Variants in DYSF observed in about 807,000 individuals in gnomAD.
DYSF encodes dysferlin.
Under a neutral mutation model 274.9 loss-of-function variants are expected in DYSF, and 212 were observed. The ratio of observed to expected loss-of-function variants is 0.77; its 90% CI spans 0.69 to 0.86. DYSF has a LOEUF of 0.86. Ranked by LOEUF, DYSF falls within the 40% of genes least tolerant of loss-of-function variation. The probability of loss-of-function intolerance (pLI) is 0.00; values close to 1 mark genes in which losing one functional copy is unlikely to be tolerated. For missense variants in DYSF, 2,666 were observed against 2,783.2 expected (o/e 0.96, Z 0.95); for synonymous variants, 1,091 against 1,078.7 (o/e 1.01, Z -0.22).
chr2:71,557,498 C>G (rs1264172163), intron 22 of DYSF, among the ~76,000 whole-genome samples: 1 of 152,112 alleles, frequency 6.6e-6, no homozygotes, highest in African/African-American at 2.4e-5. Context: ...AAAGGTGATC[C>G]CAGGGTCTAA....
intron 53 of DYSF, among the ~76,000 whole-genome samples, chr2:71,679,700 G>A (rs1254146123): frequency 6.6e-6 from 1 of 152,164 alleles, no homozygotes; most frequent in East Asian, 1.9e-4. Flanking sequence ...GCCATGGAGA[G>A]GAAGTTAATC....
chr2:71,599,089 C>CACTT (rs1411090883), intron 33 of DYSF, among the ~76,000 whole-genome samples: 1 of 152,230 alleles, frequency 6.6e-6, no homozygotes, highest in African/African-American at 2.4e-5. Context: ...GTACATCAAA[C>CACTT]ACTTACGTTA....
intron 41 of DYSF, among the ~76,000 whole-genome samples, chr2:71,633,574 G>A (rs1251908243): frequency 2.0e-5 from 3 of 152,144 alleles, no homozygotes; most frequent in African/African-American, 7.2e-5. Flanking sequence ...GGGTTGTTAT[G>A]TTACTATCTT....
intron 47 of DYSF, among the ~76,000 whole-genome samples, chr2:71,666,344 C>T (rs192446851): frequency 5.9e-5 from 9 of 152,352 alleles, no homozygotes; most frequent in Admixed American, 5.2e-4. Context: ...ACCTGCCCAA[C>T]GTCACCCAAC....
intron 41 of DYSF, among the ~76,000 whole-genome samples, chr2:71,621,758 C>G (rs1339637713): frequency 6.6e-6 from 1 of 152,072 alleles, no homozygotes; most frequent in Non-Finnish European, 1.5e-5. Flanking sequence ...CTGCTGGGCT[C>G]AAGCAATTCT....
intron 42 of DYSF, among the ~76,000 whole-genome samples, chr2:71,651,678 C>G (rs2094664940): frequency 6.6e-6 from 1 of 152,034 alleles, no homozygotes; most frequent in Admixed American, 6.6e-5. Context: ...CTAGAATTAC[C>G]TTACCATCAA....
intron 41 of DYSF, among the ~76,000 whole-genome samples, chr2:71,636,250 A>G (rs1008937230): frequency 1.3e-5 from 2 of 152,208 alleles, no homozygotes; most frequent in African/African-American, 4.8e-5. Flanking sequence ...ACAGAGGGTG[A>G]CAAGATCCGA....
intron 1 of DYSF, among the ~76,000 whole-genome samples, chr2:71,472,696 G>T (rs184944003): frequency 1.3e-5 from 2 of 152,180 alleles, no homozygotes; most frequent in Non-Finnish European, 2.9e-5. Flanking sequence ...GTGAGCCACC[G>T]CGCCAAGCCA....
intron 4 of DYSF, among the ~76,000 whole-genome samples, chr2:71,505,317 G>A (rs1273982128): frequency 6.6e-6 from 1 of 152,238 alleles, no homozygotes; most frequent in Admixed American, 6.5e-5. Context: ...CAACATTGAG[G>A]GTTCTCGCTG....
rs200820454 is a variant in DYSF, at chr2:71,618,583, TTGTG to T, written c.4465-1955_4465-1952del. Among the ~76,000 whole-genome samples, 11 of 46,744 alleles carry T rather than the reference TTGTG, an allele frequency of 2.4e-4. 1 individual carries two copies. The highest frequency in any genetic ancestry group is 6.7e-4 in the African/African-American group (11 of 16,468). The allele number at this position is 46,744 out of a possible 152,430, so 30.7% of individuals were successfully genotyped here. ...GAGTGTGTGTTTGTGTGGGGTAGAGTTGTGTGTGTGTGGTAGAGGTGGTGGGTGT... is the reference window on the plus strand; with the variant it reads ...GAGTGTGTGTTTGTGTGGGGTAGAGTTGTGTGTGGTAGAGGTGGTGGGTGT... On this transcript the variant is annotated intron_variant, in intron 40 of 55. Transcript: ENST00000410020.
intron 47 of DYSF, 52 bp downstream of exon 47, chr2:71,665,356 C>G: frequency 1.2e-6 from 2 of 1,611,264 alleles, no homozygotes; most frequent in Non-Finnish European, 1.7e-6. Context: ...GTATCCCTCC[C>G]TCTCTCATCA....
chr2:71,491,927 T>C (rs535658372), intron 3 of DYSF, among the ~76,000 whole-genome samples: 16 of 152,270 alleles, frequency 1.1e-4, no homozygotes, highest in African/African-American at 3.9e-4. Context: ...GTGTTAGAAG[T>C]TGGGAAAAGG....
At chr2:71,610,876 T>G in intron 36 of DYSF, 1 of 338,888 alleles carries the variant, frequency 3.0e-6, no homozygotes, top group Non-Finnish European at 5.8e-6. Flanking sequence ...CTGAAGTGGA[T>G]CTGCCAGGAT....
intron 42 of DYSF, among the ~76,000 whole-genome samples, chr2:71,654,216 A>G (rs1381516534): frequency 6.6e-6 from 1 of 152,268 alleles, no homozygotes; most frequent in African/African-American, 2.4e-5. Context: ...TCTTCTATCT[A>G]TCAAATTAAC....
chr2:71,526,089 A>G lies in DYSF; in HGVS notation c.1150-131A>G. 3.3e-6 allele frequency: 5 copies of G among 1,525,558 alleles called. No homozygotes were observed. In the African/African-American group the frequency reaches 4.1e-5, roughly 13 times the overall value. The allele number at this position is 1,525,558 out of a possible 1,614,324, so 94.5% of individuals were successfully genotyped here. On this transcript the variant is annotated intron_variant, in intron 12 of 55. Coordinates refer to ENST00000410020, the MANE Select transcript of DYSF (RefSeq NM_001130987.2). ...ACCTTGCCCGAGACCACGCGGTAGT[A>G]AGTGTCGGAGCGCAGTCTGCCTTAC... is the stretch of plus-strand genomic sequence containing the variant.
At chr2:71,454,996 G>A (rs2080997345) in intron 1 of DYSF, among the ~76,000 whole-genome samples, 1 of 151,384 alleles carries the variant, frequency 6.6e-6, no homozygotes. Flanking sequence ...TTTCCTCTCA[G>A]CCTCCACTAC....
intron 40 of DYSF, among the ~76,000 whole-genome samples, chr2:71,617,898 T>TC (rs2093941022): frequency 1.9e-5 from 1 of 51,758 alleles, no homozygotes; most frequent in Non-Finnish European, 4.2e-5. Flanking sequence ...GGTAGAGGTG[T>TC]GTTTGTGGTA....
rs1261055036 is a variant in DYSF, at chr2:71,479,138, G to A, written c.92-1745G>A. The stretch of plus-strand genomic sequence containing the variant: ...TTCCACTGAGTCTTGCACAGGTTGG[G>A]TGGAATGAGGTGATCTTTAAGAGCC... On this transcript the variant is annotated intron_variant, in intron 1 of 55. Transcript: ENST00000410020. Among the ~76,000 whole-genome samples the A allele has an allele frequency of 3.5e-5, 3 of 85,174 alleles. 1 individual carries two copies. The highest frequency in any genetic ancestry group is 6.2e-5 in the Non-Finnish European group (2 of 32,394). 55.9% of individuals were successfully genotyped at this position (85,174 alleles called of 152,430 possible). A position where few individuals can be genotyped will look rare whatever the true frequency, so the allele number is the denominator to read the frequency against.
chr2:71,579,461 G>T (rs1489745105), intron 30 of DYSF, among the ~76,000 whole-genome samples: 1 of 152,172 alleles, frequency 6.6e-6, no homozygotes, highest in Non-Finnish European at 1.5e-5. Context: ...GATATTGGAT[G>T]GAAAGTTGTG....
Sources: gnomAD v4.1 joint callset for allele counts (sites outside exome capture counted in the v4.1 genomes callset) on GRCh38, gnomAD v4.1.1 for gene constraint, MANE v1.5 for transcripts, NCBI Gene and HGNC (gene_info 2026-07-23, HGNC 2026-07-21) for gene names.